Variants in SLC5A10 observed in about 807,000 individuals in gnomAD.
SLC5A10 encodes solute carrier family 5 member 10.
A neutral mutation model predicts 68.9 loss-of-function variants in SLC5A10; 55 were observed. The ratio of observed to expected loss-of-function variants is 0.80; its 90% CI spans 0.64 to 1.00. SLC5A10 has a LOEUF of 1.00. Among genes scored for constraint, SLC5A10 ranks in the 50% least tolerant of loss-of-function variants. The pLI, the probability that SLC5A10 is intolerant of heterozygous loss-of-function variation, is 0.00. For missense variants in SLC5A10, 732 were observed against 819.3 expected (o/e 0.89, Z 1.30); for synonymous variants, 344 against 344.8 (o/e 1.00, Z 0.02).
chr17:19,002,037 ATCAGCAGCACTTCC>A (rs2043741236), intron 9 of SLC5A10, among the ~76,000 whole-genome samples: 1 of 152,196 alleles, frequency 6.6e-6, no homozygotes, highest in South Asian at 2.1e-4. Flanking sequence ...AGGCACAGAC[ATCAGCAGCACTTCC>A]TCCACACCAC....
At chr17:18,952,017 C>T, upstream of SLC5A10, 1 of 921,626 alleles carries the variant, frequency 1.1e-6, no homozygotes, top group Non-Finnish European at 1.5e-6. Flanking sequence ...GGATCTGCAC[C>T]CCACCATGGG....
intron 9 of SLC5A10, among the ~76,000 whole-genome samples, chr17:18,994,396 G>C (rs149822990): frequency 6.6e-6 from 1 of 152,190 alleles, no homozygotes; most frequent in Non-Finnish European, 1.5e-5. Flanking sequence ...CACTCTGAGT[G>C]TAGCAGCTAG....
At chr17:18,978,605 G>A (rs371196107) in intron 9 of SLC5A10, 18 of 1,613,050 alleles carry the variant, frequency 1.1e-5, no homozygotes, top group Non-Finnish European at 1.4e-5. Flanking sequence ...GACGCTCTTG[G>A]CCTTGACAAG....
In SLC5A10 at chr17:19,019,901, G is replaced by A; in HGVS notation, c.1599G>A (p.Leu533=). The A allele has an allele frequency of 6.2e-7, 1 of 1,609,736 alleles. No homozygotes were observed. Among genetic ancestry groups the A allele is most frequent in the Non-Finnish European group, 8.5e-7 (1 of 1,178,812 alleles). The change falls in exon 13 of 15, where the codon CTG becomes CTA. Residue 533 remains leucine (L), a synonymous_variant. Coordinates refer to ENST00000395645, the MANE Select transcript of SLC5A10 (RefSeq NM_001042450.4). ...GTGCTGTTGTGGTGGCTGGAAGCCTGCTGACCCCACCCCCACAGAGTGTCC... is the reference window on the plus strand; with the variant it reads ...GTGCTGTTGTGGTGGCTGGAAGCCTACTGACCCCACCCCCACAGAGTGTCC... ...LSGAVVVAGS[L]LTPPPQSVQI...
chr17:18,977,932 C>A (rs1162196290), intron 9 of SLC5A10: 1 of 1,608,406 alleles, frequency 6.2e-7, no homozygotes, highest in African/African-American at 1.3e-5. Context: ...CTTCTTCCAC[C>A]CCATCCAGCC....
In SLC5A10 at chr17:19,020,711, G is replaced by A. The variant is rs779982758; in HGVS notation, c.*280G>A. On this transcript the variant is annotated 3_prime_UTR_variant, in exon 15 of 15. Transcript: ENST00000395645. ...TCCTGATGTTGGTTTTACTGTTTTC[G>A]TTTTGAATACACAGGCTGGGTCAGG... is the stretch of plus-strand genomic sequence containing the variant. 5.3e-5 allele frequency: 25 copies of A among 470,608 alleles called. No homozygotes were observed. Among genetic ancestry groups the A allele is most frequent in the South Asian group, 2.5e-4 (11 of 43,802 alleles). 29.2% of individuals were successfully genotyped at this position (470,608 alleles called of 1,614,324 possible). A position where few individuals can be genotyped will look rare whatever the true frequency, so the allele number is the denominator to read the frequency against.
In SLC5A10 at chr17:19,003,840, G is replaced by C. The variant is rs754886510; in HGVS notation, c.983-9570G>C. Reference sequence around the variant, plus strand: ...GGGTCGTACACCTCGATGGTCTCCAGGATGCGCTTGAGCTCCAGCTCCGAG... The same window carrying C: ...GGGTCGTACACCTCGATGGTCTCCACGATGCGCTTGAGCTCCAGCTCCGAG... On this transcript the variant is annotated intron_variant, in intron 9 of 14. Transcript: ENST00000395645. The surrounding 1 kb of genome is among the most constrained non-coding windows in gnomAD (Gnocchi z 4.5). 1.5e-5 allele frequency: 24 copies of C among 1,613,026 alleles called. No individual in the cohort carries two copies. The highest frequency in any genetic ancestry group is 2.0e-5 in the Non-Finnish European group (24 of 1,179,938).
chr17:18,962,949 G>A (rs2042640571), intron 5 of SLC5A10, among the ~76,000 whole-genome samples: 1 of 152,182 alleles, frequency 6.6e-6, no homozygotes, highest in Non-Finnish European at 1.5e-5. Flanking sequence ...CCGGCGTGGT[G>A]GCTCACGCCT....
At chr17:18,994,531 G>A (rs1206560159) in intron 9 of SLC5A10, among the ~76,000 whole-genome samples, 1 of 152,176 alleles carries the variant, frequency 6.6e-6, no homozygotes, top group African/African-American at 2.4e-5. Flanking sequence ...AAACTACTGA[G>A]GCTGAGCAGG....
At chr17:18,954,561 G>C (rs2042449549) in intron 1 of SLC5A10, among the ~76,000 whole-genome samples, 1 of 152,224 alleles carries the variant, frequency 6.6e-6, no homozygotes, top group Non-Finnish European at 1.5e-5. Context: ...GGATGCTGGA[G>C]ATGCATCCCA....
intron 9 of SLC5A10, among the ~76,000 whole-genome samples, chr17:18,983,023 G>A (rs1474393351): frequency 2.0e-5 from 3 of 152,250 alleles, no homozygotes; most frequent in Non-Finnish European, 4.4e-5. Flanking sequence ...TGGAAGTGGC[G>A]CAGTGGGCTG....
At chr17:19,020,008 C>A in intron 13 of SLC5A10, 80 bp downstream of exon 13, 1 of 1,481,700 alleles carries the variant, frequency 6.7e-7, no homozygotes, top group Non-Finnish European at 9.2e-7. Context: ...CCCACTCTGA[C>A]TCAGAATTTT....
rs1212473805 is a variant in SLC5A10, at chr17:19,004,512, G to T, written c.983-8898G>T. Reference sequence around the variant, plus strand: ...CTTCTTAGAGTGGGAGGCGGCCCCGGCACAGAGGCGCCCCGCAAACCGAGG... The same window carrying T: ...CTTCTTAGAGTGGGAGGCGGCCCCGTCACAGAGGCGCCCCGCAAACCGAGG... On this transcript the variant is annotated intron_variant, in intron 9 of 14. Transcript: ENST00000395645. The surrounding 1 kb of genome is among the most constrained non-coding windows in gnomAD (Gnocchi z 5.4). 6.6e-6 allele frequency among the ~76,000 whole-genome samples: 1 copy of T among 152,136 alleles called. No homozygotes were observed. The highest frequency in any genetic ancestry group is 2.1e-4 in the South Asian group (1 of 4,836).
intron 9 of SLC5A10, chr17:18,978,076 G>A (rs887266339): frequency 1.5e-5 from 22 of 1,516,540 alleles, no homozygotes; most frequent in Non-Finnish European, 1.8e-5. Flanking sequence ...CTTCCTCTTT[G>A]GGGAGCTCCA....
At chr17:18,983,947 T>C (rs2043199783) in intron 9 of SLC5A10, among the ~76,000 whole-genome samples, 1 of 152,208 alleles carries the variant, frequency 6.6e-6, no homozygotes, top group African/African-American at 2.4e-5. Flanking sequence ...CAGTGTAGGA[T>C]GTTTAACAAC....
At chr17:18,982,145 C>T (rs1440637718) in intron 9 of SLC5A10, among the ~76,000 whole-genome samples, 1 of 152,264 alleles carries the variant, frequency 6.6e-6, no homozygotes, top group Non-Finnish European at 1.5e-5. Flanking sequence ...CAGGCCTCGG[C>T]TGGGCCGCTG....
intron 9 of SLC5A10, among the ~76,000 whole-genome samples, chr17:19,008,958 C>T (rs9899204): frequency 0.11 from 16,643 of 151,740 alleles, 955 homozygotes; most frequent in South Asian, 0.14. Context: ...ACTACAGGTG[C>T]GTGCCACTGC....
intron 7 of SLC5A10, chr17:18,970,109 G>A (rs1011016263): frequency 1.3e-5 from 2 of 152,214 alleles, no homozygotes; most frequent in African/African-American, 2.4e-5. Context: ...ACAAACCCTC[G>A]GTCTGAATAC....
At chr17:19,015,268 G>A (rs2044116874) in intron 11 of SLC5A10, 69 bp downstream of exon 11, 2 of 1,142,002 alleles carry the variant, frequency 1.8e-6, no homozygotes, top group African/African-American at 3.0e-5. Flanking sequence ...CTGACTTTGA[G>A]GGATGAGCCG....
Sources: gnomAD v4.1 joint callset for allele counts (sites outside exome capture counted in the v4.1 genomes callset) on GRCh38, gnomAD v4.1.1 for gene constraint, Gnocchi (gnomAD v3.1) non-coding constraint, MANE v1.5 for transcripts, NCBI Gene and HGNC (gene_info 2026-07-23, HGNC 2026-07-21) for gene names.